MYH11: variants seen among roughly 807,000 people sequenced by gnomAD.
MYH11 encodes myosin-11.
Under a neutral mutation model 246.6 loss-of-function variants are expected in MYH11, and 80 were observed. The ratio of observed to expected loss-of-function variants is 0.32; its 90% CI spans 0.27 to 0.39. The LOEUF is 0.39. Ranked by LOEUF, MYH11 falls within the 10% of genes least tolerant of loss-of-function variation. The probability of loss-of-function intolerance (pLI) is 1.00; values close to 1 mark genes in which losing one functional copy is unlikely to be tolerated. For missense variants in MYH11, 2,158 were observed against 2,546.8 expected, an observed-to-expected ratio of 0.85 and a Z score of 3.29; for synonymous variants, 1,071 against 1,015.5, an observed-to-expected ratio of 1.05 and a Z score of -1.04.
Position 15,823,257 on chromosome 16 carries a change from T to A in MYH11, c.500A>T (p.Gln167Leu). ...CGTGCAGCCCTGAGTTCACTCACCT[T>A]GAAGCATGCTCCGGTAGGCCGTGTC... is the stretch of plus-strand genomic sequence containing the variant. Reference protein sequence around the residue: ...IADTAYRSMLQDREDQSILCT... With the variant: ...IADTAYRSMLLDREDQSILCT... The change falls in exon 3 of 41, where the codon CAA becomes CTA. Residue 167 changes from glutamine (Q) to leucine (L), a missense_variant and splice_region_variant. By Grantham distance (113) the Gln-to-Leu change is moderately radical. Transcript: ENST00000300036. 6.2e-7 allele frequency: 1 copy of A among 1,614,182 alleles called. No homozygotes were observed. Among genetic ancestry groups the A allele is most frequent in the Non-Finnish European group, 8.5e-7 (1 of 1,180,042 alleles).
chr16:15,788,083 T>TG, intron 4 of MYH11, among the ~76,000 whole-genome samples: 1 of 124,450 alleles, frequency 8.0e-6, no homozygotes, highest in Non-Finnish European at 1.7e-5. Flanking sequence ...AGATCTTTTT[T>TG]TTTTTTTTTT....
In MYH11 at chr16:15,724,900, G is replaced by A; in HGVS notation, c.3951C>T (p.Leu1317=). The change falls in exon 29 of 41, where the codon CTC becomes CTT. Residue 1317 remains leucine, a synonymous_variant. Transcript: ENST00000300036. The stretch of plus-strand genomic sequence containing the variant: ...GCAGGACACTCACCTGGGTGTCCTG[G>A]AGCTGGGAACTGAGGGACGCCACGT... ...AKDVASLSSQ[L]QDTQELLQEE... 1 of 1,614,112 alleles carries A rather than the reference G, an allele frequency of 6.2e-7. No individual in the cohort carries two copies. The highest frequency in any genetic ancestry group is 8.5e-7 in the Non-Finnish European group (1 of 1,180,028).
chr16:15,741,543 T>A lies in MYH11; in HGVS notation c.2779A>T (p.Met927Leu). The change falls in exon 22 of 41, where the codon ATG becomes TTG. Residue 927 changes from methionine (M) to leucine (L), a missense_variant. Physicochemically the swap from Met to Leu is conservative, Grantham distance 15 (BLOSUM62 2). Transcript: ENST00000300036. ...TCCTCCTCCTCCAGGCGGGCCTCCA[T>A]CTCATGCAGTATCTCCTCCAGCTCC... is the stretch of plus-strand genomic sequence containing the variant. The part of the protein sequence containing the change: ...KQELEEILHE[M>L]EARLEEEEDR... 6.2e-7 allele frequency: 1 copy of A among 1,610,732 alleles called. No individual in the cohort carries two copies. The highest frequency in any genetic ancestry group is 8.5e-7 in the Non-Finnish European group (1 of 1,179,992).
chr16:15,824,075 G>A (rs557436221), intron 2 of MYH11, among the ~76,000 whole-genome samples: 4 of 152,070 alleles, frequency 2.6e-5, no homozygotes, highest in East Asian at 1.9e-4. Context: ...TAAGCACTAC[G>A]CAGGATCTTT....
chr16:15,729,125 C>T (rs2040884509), intron 27 of MYH11, among the ~76,000 whole-genome samples: 1 of 151,926 alleles, frequency 6.6e-6, no homozygotes, highest in Admixed American at 6.6e-5. Context: ...GACAGGGAGT[C>T]TCTTGGTGGT....
intron 3 of MYH11, among the ~76,000 whole-genome samples, chr16:15,813,024 G>A (rs997155808): frequency 6.6e-6 from 1 of 152,154 alleles, no homozygotes; most frequent in Non-Finnish European, 1.5e-5. Flanking sequence ...AAAATTAGCT[G>A]GGCATGGTGG....
chr16:15,784,350 G>T (rs565595428), intron 5 of MYH11, among the ~76,000 whole-genome samples: 2 of 152,280 alleles, frequency 1.3e-5, no homozygotes, highest in Non-Finnish European at 2.9e-5. Context: ...AGCCAGATGG[G>T]ACAGACATCT....
intron 4 of MYH11, among the ~76,000 whole-genome samples, chr16:15,788,119 G>GTTTTTTTTTTTTTAT: frequency 1.2e-5 from 1 of 84,064 alleles, no homozygotes. Context: ...TCGTGCACTA[G>GTTTTTTTTTTTTTAT]CTGCCTGTTT....
At chr16:15,732,514 G>C in intron 27 of MYH11, 50 bp downstream of exon 27, 1 of 1,613,718 alleles carries the variant, frequency 6.2e-7, no homozygotes, top group Non-Finnish European at 8.5e-7. Context: ...TGAGGCTGCT[G>C]ATGTCACTCT....
chr16:15,760,205 A>G (rs762899851), intron 11 of MYH11, among the ~76,000 whole-genome samples: 100 of 152,078 alleles, frequency 6.6e-4, no homozygotes, highest in Non-Finnish European at 1.1e-3. Context: ...TGGACAGATG[A>G]ATGAATGAAT....
intron 36 of MYH11, 184 bp from the exon 37 acceptor site, chr16:15,718,622 C>T (rs960743238): frequency 1.2e-5 from 11 of 896,370 alleles, no homozygotes; most frequent in Admixed American, 8.4e-5. Context: ...GGACTCAGGC[C>T]GGGTCCGTGT....
chr16:15,782,683 C>T, intron 5 of MYH11: 1 of 565,456 alleles, frequency 1.8e-6, no homozygotes, highest in Non-Finnish European at 3.2e-6. Flanking sequence ...ATAGCTAGGA[C>T]ATCTGCTCCC....
chr16:15,745,293 C>A, intron 19 of MYH11, 56 bp from the exon 20 acceptor site: 1 of 1,274,094 alleles, frequency 7.8e-7, no homozygotes, highest in Middle Eastern at 2.1e-4. Flanking sequence ...CTGCTGTCAA[C>A]AGAGCCCTGC....
At chr16:15,735,303 C>T (rs1031196565) in intron 26 of MYH11, 63 bp downstream of exon 26, 75 of 1,585,196 alleles carry the variant, frequency 4.7e-5, no homozygotes, top group Non-Finnish European at 6.2e-5. Context: ...TTTGTCCCCT[C>T]TTCTGCCCCC....
intron 2 of MYH11, among the ~76,000 whole-genome samples, chr16:15,829,139 T>A (rs1171156138): frequency 6.7e-6 from 1 of 150,292 alleles, no homozygotes; most frequent in African/African-American, 2.5e-5. Context: ...GCCGAGATCA[T>A]GCCACCACAC....
intron 5 of MYH11, among the ~76,000 whole-genome samples, chr16:15,783,880 T>G (rs1199999101): frequency 6.6e-6 from 1 of 152,148 alleles, no homozygotes; most frequent in African/African-American, 2.4e-5. Flanking sequence ...AAATAAGAAC[T>G]GTAATTCTCC....
At chr16:15,791,670 T>A (rs942716394) in intron 4 of MYH11, 1 of 119,732 alleles carries the variant, frequency 8.4e-6, no homozygotes, top group African/African-American at 3.4e-5. Context: ...TTACCTTGTA[T>A]GATTTTTTTT....
intron 4 of MYH11, chr16:15,791,995 A>G (rs955350577): frequency 2.6e-5 from 4 of 152,174 alleles, no homozygotes; most frequent in African/African-American, 7.2e-5. Context: ...TCTTATGAGG[A>G]TTAAATGAGT....
At chr16:15,819,296 C>T (rs1175522780) in intron 3 of MYH11, among the ~76,000 whole-genome samples, 1 of 152,216 alleles carries the variant, frequency 6.6e-6, no homozygotes, top group Non-Finnish European at 1.5e-5. Flanking sequence ...AATATATGAA[C>T]ACAGGGTGTC....
Sources: gnomAD v4.1 joint callset for allele counts (sites outside exome capture counted in the v4.1 genomes callset) on GRCh38, gnomAD v4.1.1 for gene constraint, MANE v1.5 for transcripts, NCBI Gene and HGNC (gene_info 2026-07-23, HGNC 2026-07-21) for gene names.